Variants in KLHDC1 observed in about 807,000 individuals in gnomAD.
The protein encoded by KLHDC1 is kelch domain containing 1.
In KLHDC1, 53 loss-of-function variants were observed where a neutral mutation model predicts 68.3. That is an observed-to-expected ratio of 0.78 (90% CI 0.62 to 0.98). The LOEUF (loss-of-function observed/expected upper bound fraction) is 0.98, where lower values mean the gene tolerates loss of function less well. Among genes scored for constraint, KLHDC1 ranks in the 50% least tolerant of loss-of-function variants. The pLI is 0.00. For missense variants in KLHDC1, 470 were observed against 492.3 expected, an observed-to-expected ratio of 0.95 and a Z score of 0.43; for synonymous variants, 148 against 159.0, an observed-to-expected ratio of 0.93 and a Z score of 0.52.
At chr14:49,701,944 A>C (rs1400343675) in intron 1 of KLHDC1, among the ~76,000 whole-genome samples, 1 of 151,376 alleles carries the variant, frequency 6.6e-6, no homozygotes, top group East Asian at 2.0e-4. Flanking sequence ...CGAGGCGGGC[A>C]GATCACCTGA....
chr14:49,748,514 A>G (rs570922252), intron 12 of KLHDC1, among the ~76,000 whole-genome samples: 1 of 152,286 alleles, frequency 6.6e-6, no homozygotes, highest in Admixed American at 6.5e-5. Context: ...AGAAGATGAA[A>G]AAGTGTAGAA....
intron 9 of KLHDC1, among the ~76,000 whole-genome samples, chr14:49,733,750 C>T (rs945592694): frequency 6.6e-6 from 1 of 152,128 alleles, no homozygotes. Flanking sequence ...CAGAAGTTTT[C>T]TCTGGCTAGA....
At chr14:49,712,739 G>A (rs1215721085) in intron 4 of KLHDC1, among the ~76,000 whole-genome samples, 1 of 151,868 alleles carries the variant, frequency 6.6e-6, no homozygotes, top group Non-Finnish European at 1.5e-5. Context: ...TTTTGATCTC[G>A]TGATCCACCT....
At chr14:49,708,455 A>G (rs931341002) in intron 1 of KLHDC1, 46 of 152,312 alleles carry the variant, frequency 3.0e-4, no homozygotes, top group African/African-American at 1.1e-3. Context: ...GTAAAAATTT[A>G]TTTTAACTCC....
At position 49,715,755 on chromosome 14, in the gene KLHDC1, A is replaced by ATATATATATATAT. The variant is rs1190003555; in HGVS notation, c.404+5374_404+5375insTATATATATATAT. Among the ~76,000 whole-genome samples the ATATATATATATAT allele has an allele frequency of 7.2e-4, 92 of 127,156 alleles. 1 individual carries two copies. The highest frequency in any genetic ancestry group is 2.7e-3 in the African/African-American group (90 of 32,826). 83.4% of individuals were successfully genotyped at this position (127,156 alleles called of 152,430 possible). On this transcript the variant is annotated intron_variant, in intron 4 of 12. Coordinates refer to ENST00000359332, the MANE Select transcript of KLHDC1 (RefSeq NM_172193.3). ...ACTCTGTCTCAAAAAAAAAAAAAAA[A>ATATATATATATAT]AAAAAAAAAAATATATATATATATA...
In KLHDC1 at chr14:49,709,699, C is replaced by T. The variant is rs765520604; in HGVS notation, c.168-10C>T. 2 of 1,486,130 alleles carry T rather than the reference C, an allele frequency of 1.3e-6. No homozygotes were observed. Among genetic ancestry groups the T allele is most frequent in the East Asian group, 2.4e-5 (1 of 42,210 alleles). 92.1% of individuals were successfully genotyped at this position (1,486,130 alleles called of 1,614,324 possible). On this transcript the variant is annotated splice_polypyrimidine_tract_variant and intron_variant, in intron 2 of 12. Transcript: ENST00000359332. Reference sequence around the variant, plus strand: ...GAAAGTTATGGGATTCCATGTTATTCTTGCTGCAGGAGAATGCACCTCATG... The same window carrying T: ...GAAAGTTATGGGATTCCATGTTATTTTTGCTGCAGGAGAATGCACCTCATG...
Position 49,732,742 on chromosome 14 carries a change from G to A in KLHDC1, c.749G>A (p.Trp250Ter). The A allele has an allele frequency of 6.2e-7, 1 of 1,609,718 alleles. No homozygotes were observed. The highest frequency in any genetic ancestry group is 8.5e-7 in the Non-Finnish European group (1 of 1,176,392). ...INGESPKHRSWHTLTPIADDK... is the reference protein window; with the variant it reads ...INGESPKHRS ...GGAGAAAGCCCAAAACATCGGTCATGGCATACTTTAACACCTATAGCTGAT... is the reference window on the plus strand; with the variant it reads ...GGAGAAAGCCCAAAACATCGGTCATAGCATACTTTAACACCTATAGCTGAT... Residue 250 changes from tryptophan to a stop codon, truncating the protein, a stop_gained, in exon 9 of 13, where the codon TGG becomes TAG. Coordinates refer to ENST00000359332, the MANE Select transcript of KLHDC1 (RefSeq NM_172193.3). LOFTEE classifies it high-confidence loss of function.
intron 11 of KLHDC1, among the ~76,000 whole-genome samples, chr14:49,742,967 G>T (rs1048731167): frequency 6.6e-6 from 1 of 151,122 alleles, no homozygotes; most frequent in African/African-American, 2.4e-5. Context: ...AGCTACTTGC[G>T]GGGCTGAGGT....
chr14:49,711,647 A>T (rs979750390), intron 4 of KLHDC1, among the ~76,000 whole-genome samples: 9 of 151,754 alleles, frequency 5.9e-5, no homozygotes, highest in Non-Finnish European at 1.0e-4. Flanking sequence ...CTTCTTTCCT[A>T]ATTTCTAACA....
chr14:49,720,389 G>C (rs568850725), intron 4 of KLHDC1, among the ~76,000 whole-genome samples: 50 of 152,172 alleles, frequency 3.3e-4, no homozygotes, highest in Non-Finnish European at 6.6e-4. Flanking sequence ...CACATTGCTG[G>C]TATTGCAGGT....
intron 11 of KLHDC1, among the ~76,000 whole-genome samples, chr14:49,741,338 C>T (rs894864804): frequency 3.6e-4 from 53 of 149,180 alleles, no homozygotes; most frequent in Non-Finnish European, 3.4e-4. Flanking sequence ...GACAGGATTT[C>T]GCTGTTACCC....
chr14:49,729,254 C>T (rs151045067), intron 7 of KLHDC1, among the ~76,000 whole-genome samples: 4 of 152,280 alleles, frequency 2.6e-5, no homozygotes, highest in African/African-American at 7.2e-5. Flanking sequence ...TTCTTGTCAT[C>T]TAAAGCCTGT....
chr14:49,744,272 T>C lies in KLHDC1; in HGVS notation c.1034+467T>C, dbSNP rs141766123. On this transcript the variant is annotated intron_variant, in intron 12 of 12. Coordinates refer to ENST00000359332, the MANE Select transcript of KLHDC1 (RefSeq NM_172193.3). ...TGTTTCCTGTACTCCAGCCTGGAAA[T>C]AGACTGAAAGCCTGTATATATGTGT... 8.2e-3 allele frequency among the ~76,000 whole-genome samples: 1,239 copies of C among 151,564 alleles called. 17 individuals carry two copies. The highest frequency in any genetic ancestry group is 0.029 in the African/African-American group (1,179 of 41,352).
Position 49,740,110 on chromosome 14 carries a change from A to G in KLHDC1, c.909A>G (p.Thr303=). The G allele has an allele frequency of 6.2e-7, 1 of 1,608,930 alleles. No homozygotes were observed. Among genetic ancestry groups the G allele is most frequent in the South Asian group, 1.1e-5 (1 of 90,814 alleles). The part of the protein sequence containing the change: ...LPKTRPRLWH[T]ACLGKENEIM... ...TTTTCAATCATAGGTTATGGCACAC[A>G]GCCTGTTTGGGAAAAGAAAATGAAA... Residue 303 remains threonine (T), a synonymous_variant, in exon 11 of 13, where the codon ACA becomes ACG. Transcript: ENST00000359332.
intron 11 of KLHDC1, among the ~76,000 whole-genome samples, chr14:49,742,502 C>G: frequency 6.6e-6 from 1 of 151,890 alleles, no homozygotes. Flanking sequence ...AAAACCCCAT[C>G]TCTACTAAAA....
intron 10 of KLHDC1, among the ~76,000 whole-genome samples, chr14:49,736,389 G>A (rs1888930374): frequency 1.3e-5 from 2 of 152,142 alleles, no homozygotes; most frequent in African/African-American, 4.8e-5. Context: ...CAAGCTAGAT[G>A]TCACCAAAAT....
At chr14:49,704,220 G>A (rs974114858) in intron 1 of KLHDC1, among the ~76,000 whole-genome samples, 13 of 151,838 alleles carry the variant, frequency 8.6e-5, no homozygotes, top group Admixed American at 2.6e-4. Flanking sequence ...CTAACTTTAT[G>A]GACTATTTGT....
intron 4 of KLHDC1, among the ~76,000 whole-genome samples, chr14:49,711,148 A>G (rs983821961): frequency 5.1e-4 from 77 of 152,232 alleles, no homozygotes; most frequent in African/African-American, 1.7e-3. Context: ...GCCTGCCACC[A>G]TGCCCGGCTA....
intron 4 of KLHDC1, among the ~76,000 whole-genome samples, chr14:49,714,094 G>A (rs1473116200): frequency 6.0e-5 from 9 of 149,460 alleles, no homozygotes; most frequent in African/African-American, 1.2e-4. Context: ...TGATCCACCC[G>A]CCTTGGCCTG....
Sources: gnomAD v4.1 joint callset for allele counts (sites outside exome capture counted in the v4.1 genomes callset) on GRCh38, gnomAD v4.1.1 for gene constraint, MANE v1.5 for transcripts, NCBI Gene and HGNC (gene_info 2026-07-23, HGNC 2026-07-21) for gene names.